The following BZW1 variants were observed in gnomAD, a reference collection of about 807,000 sequenced individuals.
BZW1 encodes basic leucine zipper and W2 domains 1, also known as eIF5-mimic protein 2.
In BZW1, 3 loss-of-function variants were observed where a neutral mutation model predicts 54.1. The observed-to-expected ratio is 0.06, with a 90% CI of 0.03 to 0.14. The LOEUF is 0.14. Ranked by LOEUF, BZW1 falls within the 10% of genes least tolerant of loss-of-function variation. The pLI, the probability that BZW1 is intolerant of heterozygous loss-of-function variation, is 1.00. For missense variants in BZW1, 206 were observed against 491.7 expected (o/e 0.42, Z 5.50); for synonymous variants, 152 against 162.7 (o/e 0.93, Z 0.50).
chr2:200,823,233 A>T lies in BZW1; in HGVS notation c.*1055A>T, dbSNP rs1406276573. The T allele has an allele frequency of 5.4e-5, 9 of 165,496 alleles. No homozygotes were observed. The Admixed American group carries it at 5.9e-4, about 11-fold the overall frequency. The allele number at this position is 165,496 out of a possible 1,614,324, so 10.3% of individuals were successfully genotyped here. ...GACAATTATATATTCCTACTCGGTC[A>T]TACTGGACTGGCTTCGTTCTCTTAA... On this transcript the variant is annotated 3_prime_UTR_variant, in exon 12 of 12. Coordinates refer to ENST00000409600, the MANE Select transcript of BZW1 (RefSeq NM_001207067.2).
intron 8 of BZW1, 43 bp downstream of exon 8, chr2:200,818,436 G>T (rs765894316): frequency 1.9e-6 from 3 of 1,572,176 alleles, no homozygotes; most frequent in African/African-American, 1.4e-5. Context: ...TAAGCTTCTG[G>T]CATAGAGATT....
rs1409740945 is a variant in BZW1, at chr2:200,822,902, C to T, written c.*724C>T. ...GGGAAGAAGAAAGTTGAGCTTTTTC[C>T]CCTTGAGAAACTTCTGCATTTAGTT... On this transcript the variant is annotated 3_prime_UTR_variant, in exon 12 of 12. Transcript: ENST00000409600. 2 of 166,460 alleles carry T rather than the reference C, an allele frequency of 1.2e-5. No individual in the cohort carries two copies. The highest frequency in any genetic ancestry group is 2.4e-5 in the African/African-American group (1 of 41,194). The allele number at this position is 166,460 out of a possible 1,614,324, so 10.3% of individuals were successfully genotyped here.
chr2:200,818,324 C>T lies in BZW1; in HGVS notation c.750C>T (p.Thr250=), dbSNP rs867522825. Residue 250 remains threonine, a synonymous_variant, in exon 8 of 12, where the codon ACC becomes ACT. Transcript: ENST00000409600. ...ELSEYVRNQQ[T]IGARKELQKE... ...CAGAATATGTTCGGAATCAGCAAAC[C>T]ATCGGAGCTCGTAAGGAGCTCCAGA... The T allele has an allele frequency of 1.9e-6, 3 of 1,609,744 alleles. No individual in the cohort carries two copies. The highest frequency in any genetic ancestry group is 3.3e-4 in the Middle Eastern group (2 of 6,028).
chr2:200,813,312 A>G (rs2038158877), intron 2 of BZW1, 31 bp downstream of exon 2: 1 of 1,563,400 alleles, frequency 6.4e-7, no homozygotes, highest in South Asian at 1.1e-5. Flanking sequence ...GTCTCTCTTC[A>G]AACCTCCAGA....
At position 200,822,260 on chromosome 2, in the gene BZW1, T is replaced by TA; in HGVS notation, c.*82_*83insA. Reference sequence around the variant, plus strand: ...CTCATGTGTCCTGGTTCTTACATCTTCCTACCTCCCTGTATCAAGCATGAT... The same window carrying TA: ...CTCATGTGTCCTGGTTCTTACATCTTACCTACCTCCCTGTATCAAGCATGAT... On this transcript the variant is annotated 3_prime_UTR_variant, in exon 12 of 12. Transcript: ENST00000409600. The TA allele has an allele frequency of 6.6e-6, 8 of 1,214,562 alleles. No individual in the cohort carries two copies. The highest frequency in any genetic ancestry group is 1.5e-5 in the African/African-American group (1 of 64,898). 75.2% of individuals were successfully genotyped at this position (1,214,562 alleles called of 1,614,324 possible). A position where few individuals can be genotyped will look rare whatever the true frequency, so the allele number is the denominator to read the frequency against.
intron 2 of BZW1, among the ~76,000 whole-genome samples, chr2:200,815,010 A>G (rs1455802579): frequency 6.6e-6 from 1 of 152,256 alleles, no homozygotes; most frequent in Admixed American, 6.5e-5. Flanking sequence ...CAGTGTCTGG[A>G]CAAAACCCAA....
In BZW1 at chr2:200,826,298, C is replaced by A. The variant is rs2038686860; in HGVS notation, c.*4120C>A. ...TTCAAATCTAATTATTTTTATTTTC[C>A]AGTGTACTTATCATCCTTTCATCTT... On this transcript the variant is annotated 3_prime_UTR_variant, in exon 12 of 12. Transcript: ENST00000409600. 1 of 149,034 alleles carries A rather than the reference C, an allele frequency of 6.7e-6. No homozygotes were observed. Among genetic ancestry groups the A allele is most frequent in the African/African-American group, 2.5e-5 (1 of 40,282 alleles). 9.2% of individuals were successfully genotyped at this position (149,034 alleles called of 1,614,324 possible). A position where few individuals can be genotyped will look rare whatever the true frequency, so the allele number is the denominator to read the frequency against.
Position 200,825,325 on chromosome 2 carries a change from TG to T in BZW1, c.*3150del, listed in dbSNP as rs2038664484. The stretch of plus-strand genomic sequence containing the variant: ...TGCCTGCCTTGGCCTCCCAAAGTGC[TG>T]GGATTACAGGCGTGAGCCACCATGC... On this transcript the variant is annotated 3_prime_UTR_variant, in exon 12 of 12. Coordinates refer to ENST00000409600, the MANE Select transcript of BZW1 (RefSeq NM_001207067.2). 1 of 152,256 alleles carries T rather than the reference TG, an allele frequency of 6.6e-6. No individual in the cohort carries two copies. The highest frequency in any genetic ancestry group is 2.4e-5 in the African/African-American group (1 of 41,450). The allele number at this position is 152,256 out of a possible 1,614,324, so 9.4% of individuals were successfully genotyped here. A position where few individuals can be genotyped will look rare whatever the true frequency, so the allele number is the denominator to read the frequency against.
chr2:200,812,926 T>A, intron 1 of BZW1: 1 of 665,182 alleles, frequency 1.5e-6, no homozygotes, highest in South Asian at 1.5e-5. Context: ...AACTGAACAA[T>A]TAGGTTTATG....
At chr2:200,819,146 CT>C (rs1160404261) in intron 9 of BZW1, 1 of 436,014 alleles carries the variant, frequency 2.3e-6, no homozygotes, top group Non-Finnish European at 4.0e-6. Flanking sequence ...AAACCCAGCA[CT>C]TTGGGAGGCA....
Position 200,812,459 on chromosome 2 carries a change from C to T in BZW1, c.-11+469C>T, listed in dbSNP as rs576867353. The T allele has an allele frequency of 2.2e-3, 2,985 of 1,339,252 alleles. 9 individuals carry two copies. The highest frequency in any genetic ancestry group is 2.0e-3 in the Non-Finnish European group (2,123 of 1,041,874). 83.0% of individuals were successfully genotyped at this position (1,339,252 alleles called of 1,614,324 possible). On this transcript the variant is annotated intron_variant, in intron 1 of 11. Coordinates refer to ENST00000409600, the MANE Select transcript of BZW1 (RefSeq NM_001207067.2). Reference sequence around the variant, plus strand: ...GCAAAGCGCCTCAGTGACTGTGGTCCGCTCGTTGCGGCGGCCGCCACCGCA... The same window carrying T: ...GCAAAGCGCCTCAGTGACTGTGGTCTGCTCGTTGCGGCGGCCGCCACCGCA...
rs1429887174 is a variant in BZW1, at chr2:200,826,449, G to T, written c.*4271G>T. On this transcript the variant is annotated 3_prime_UTR_variant, in exon 12 of 12. Coordinates refer to ENST00000409600, the MANE Select transcript of BZW1 (RefSeq NM_001207067.2). ...TTTTTTTTTTTTTTTTTTTGAGACAGAGTCTCGCTCTGTCGCCCAGGCGGG... is the reference window on the plus strand; with the variant it reads ...TTTTTTTTTTTTTTTTTTTGAGACATAGTCTCGCTCTGTCGCCCAGGCGGG... 1 of 95,320 alleles carries T rather than the reference G, an allele frequency of 1.0e-5. No homozygotes were observed. Among genetic ancestry groups the T allele is most frequent in the Non-Finnish European group, 2.0e-5 (1 of 50,550 alleles). 5.9% of individuals were successfully genotyped at this position (95,320 alleles called of 1,614,324 possible). A position where few individuals can be genotyped will look rare whatever the true frequency, so the allele number is the denominator to read the frequency against.
chr2:200,818,003 T>G lies in BZW1; in HGVS notation c.568T>G (p.Phe190Val), dbSNP rs2105870739. Residue 190 changes from phenylalanine (F) to valine (V), a missense_variant, in exon 7 of 12, where the codon TTT (phenylalanine) becomes GTT (valine). By Grantham distance (50) the Phe-to-Val change is conservative. This residue lies in a region of BZW1 where 81 missense variants were observed against 257.1 expected (regional missense o/e 0.32). Coordinates refer to ENST00000409600, the MANE Select transcript of BZW1 (RefSeq NM_001207067.2). Reference sequence around the variant, plus strand: ...TTCAGCAGCTTTTGCTGTGAAGCTCTTTAAATCATGGATAAATGAAAAAGA... The same window carrying G: ...TTCAGCAGCTTTTGCTGTGAAGCTCGTTAAATCATGGATAAATGAAAAAGA... ...GVSAAFAVKL[F>V]KSWINEKDIN... The G allele has an allele frequency of 6.4e-7, 1 of 1,552,766 alleles. No homozygotes were observed. Among genetic ancestry groups the G allele is most frequent in the Admixed American group, 2.0e-5 (1 of 51,088 alleles).
chr2:200,812,204 C>T (rs979106311), intron 1 of BZW1: 2 of 1,223,450 alleles, frequency 1.6e-6, no homozygotes, highest in African/African-American at 3.1e-5. Context: ...AGGTGGGGTC[C>T]GGGTGTGCGC....
chr2:200,825,526 G>A lies in BZW1; in HGVS notation c.*3348G>A, dbSNP rs2105714633. ...TTTCTGTCAGGGTCAATAGAAAGTA[G>A]ACGAAATTCATTTTCAGCCAATCTT... On this transcript the variant is annotated 3_prime_UTR_variant, in exon 12 of 12. Transcript: ENST00000409600. The A allele has an allele frequency of 6.6e-6, 1 of 152,338 alleles. No homozygotes were observed. 9.4% of individuals were successfully genotyped at this position (152,338 alleles called of 1,614,324 possible). A position where few individuals can be genotyped will look rare whatever the true frequency, so the allele number is the denominator to read the frequency against.
At chr2:200,814,366 G>A (rs2038212244) in intron 2 of BZW1, among the ~76,000 whole-genome samples, 1 of 152,200 alleles carries the variant, frequency 6.6e-6, no homozygotes, top group South Asian at 2.1e-4. Flanking sequence ...AACACTCCCT[G>A]TCTGGGACTG....
At chr2:200,813,324 C>A in intron 2 of BZW1, 43 bp downstream of exon 2, 3 of 1,532,522 alleles carry the variant, frequency 2.0e-6, no homozygotes, top group Non-Finnish European at 2.7e-6. Flanking sequence ...ACCTCCAGAA[C>A]ATCTTGTGTA....
At chr2:200,814,785 T>C (rs1487578792) in intron 2 of BZW1, among the ~76,000 whole-genome samples, 2 of 152,190 alleles carry the variant, frequency 1.3e-5, no homozygotes, top group East Asian at 3.8e-4. Context: ...ATTACCTAAT[T>C]TCTCTGACTC....
chr2:200,812,455 G>A (rs2038107751), intron 1 of BZW1: 2 of 1,340,882 alleles, frequency 1.5e-6, no homozygotes, highest in Non-Finnish European at 1.9e-6. Context: ...CAGTGACTGT[G>A]GTCCGCTCGT....
Sources: allele counts gnomAD v4.1 joint callset (sites outside exome capture counted in the v4.1 genomes callset), GRCh38; gene constraint gnomAD v4.1.1; regional missense constraint gnomAD v4.1.1; transcripts MANE v1.5; gene names NCBI Gene and HGNC (gene_info 2026-07-23, HGNC 2026-07-21).